ADGRL2: variants seen among roughly 807,000 people sequenced by gnomAD.
The protein encoded by ADGRL2 is calcium-independent alpha-latrotoxin receptor 2.
A neutral mutation model predicts 157.4 loss-of-function variants in ADGRL2; 44 were observed. That is an observed-to-expected ratio of 0.28 (90% CI 0.22 to 0.36). The LOEUF is 0.36. Ranked by LOEUF, ADGRL2 falls within the 10% of genes least tolerant of loss-of-function variation. ADGRL2 has a pLI of 1.00. For synonymous variants in ADGRL2, 585 were observed against 624.7 expected (o/e 0.94, Z 0.95); for missense variants, 1,510 against 1,768.9 (o/e 0.85, Z 2.63).
intron 3 of ADGRL2, among the ~76,000 whole-genome samples, chr1:81,591,721 G>A (rs1482645945): frequency 6.6e-6 from 1 of 152,144 alleles, no homozygotes; most frequent in South Asian, 2.1e-4. Flanking sequence ...CTTGCTACCA[G>A]AATCCCTCTC....
chr1:81,697,216 G>C (rs1046083751), upstream of ADGRL2, among the ~76,000 whole-genome samples: 1 of 151,900 alleles, frequency 6.6e-6, no homozygotes, highest in Non-Finnish European at 1.5e-5. Flanking sequence ...GAAAATTTTT[G>C]AAAGTTGCAT....
chr1:81,628,296 C>G (rs1191913887), intron 3 of ADGRL2, among the ~76,000 whole-genome samples: 1 of 152,096 alleles, frequency 6.6e-6, no homozygotes, highest in African/African-American at 2.4e-5. Flanking sequence ...CATTACTGGG[C>G]TCTACGTGTG....
intron 3 of ADGRL2, among the ~76,000 whole-genome samples, chr1:81,596,004 A>T (rs182672699): frequency 6.6e-6 from 1 of 151,972 alleles, no homozygotes. Flanking sequence ...GGCCTCTTTT[A>T]TAAGAGCACT....
intron 1 of ADGRL2, among the ~76,000 whole-genome samples, chr1:81,755,144 G>C: frequency 9.1e-6 from 1 of 109,436 alleles, no homozygotes; most frequent in African/African-American, 3.7e-5. Context: ...ATATATATAT[G>C]TGTTTATATA....
At chr1:81,930,770 G>A (rs2148762626) in intron 3 of ADGRL2, among the ~76,000 whole-genome samples, 1 of 152,132 alleles carries the variant, frequency 6.6e-6, no homozygotes, top group African/African-American at 2.4e-5. Flanking sequence ...TTGAACCATT[G>A]AAACCCTCAC....
rs147543433 is a variant in ADGRL2, at chr1:81,490,352, G to A, written c.-248+45263G>A. Among the ~76,000 whole-genome samples the A allele has an allele frequency of 4.5e-3, 690 of 152,108 alleles. 7 individuals are homozygous for A. Among genetic ancestry groups the A allele is most frequent in the African/African-American group, 0.015 (641 of 41,500 alleles). On this transcript the variant is annotated intron_variant, in intron 2 of 24. Coordinates refer to the ADGRL2 transcript ENST00000370721. ...TCAACATGTTAGTCAGGCTGGTCTCGAGCTCCTGACCTCAGGTGATCCACC... is the reference window on the plus strand; with the variant it reads ...TCAACATGTTAGTCAGGCTGGTCTCAAGCTCCTGACCTCAGGTGATCCACC...
chr1:81,824,211 T>G (rs2149930523), intron 1 of ADGRL2, among the ~76,000 whole-genome samples: 1 of 152,328 alleles, frequency 6.6e-6, no homozygotes, highest in African/African-American at 2.4e-5. Flanking sequence ...TTTTTTAGGC[T>G]TGGTTTGAAA....
intron 3 of ADGRL2, among the ~76,000 whole-genome samples, chr1:81,915,303 C>T (rs1450402731): frequency 1.3e-5 from 2 of 152,086 alleles, no homozygotes; most frequent in Non-Finnish European, 2.9e-5. Context: ...GGTCTCAAAA[C>T]TCCTGGACCC....
intron 2 of ADGRL2, among the ~76,000 whole-genome samples, chr1:81,787,212 A>G (rs2087094303): frequency 6.6e-6 from 1 of 152,174 alleles, no homozygotes; most frequent in African/African-American, 2.4e-5. Flanking sequence ...TTTCTTTATC[A>G]ACAGTGAAAA....
Position 81,618,547 on chromosome 1 carries a change from A to G in ADGRL2, c.-143+37567A>G, listed in dbSNP as rs893847925. ...TCTGAGGTTGGAGCATAAGAACAAA[A>G]TAGCTCTTTTTGTTCATTGTACCAA... On this transcript the variant is annotated intron_variant, in intron 3 of 24. Transcript: ENST00000370721. Among the ~76,000 whole-genome samples, 4 of 152,340 alleles carry G rather than the reference A, an allele frequency of 2.6e-5. No homozygotes were observed. In the South Asian group the frequency reaches 8.3e-4, roughly 32 times the overall value.
intron 3 of ADGRL2, among the ~76,000 whole-genome samples, chr1:81,640,610 G>A (rs866525202): frequency 1.7e-4 from 25 of 148,982 alleles, no homozygotes; most frequent in African/African-American, 4.5e-4. Flanking sequence ...CCAGCCTAGC[G>A]ACAGAGCCAG....
At chr1:81,793,108 A>G (rs2149425381) in intron 2 of ADGRL2, among the ~76,000 whole-genome samples, 1 of 152,254 alleles carries the variant, frequency 6.6e-6, no homozygotes, top group East Asian at 1.9e-4. Flanking sequence ...AAGGCTCAGT[A>G]CACATTCTTC....
intron 2 of ADGRL2, among the ~76,000 whole-genome samples, chr1:81,529,303 A>G (rs1343623628): frequency 2.0e-5 from 3 of 152,212 alleles, no homozygotes; most frequent in Non-Finnish European, 4.4e-5. Flanking sequence ...GAAACTGGAA[A>G]GTAAGAATCC....
chr1:81,790,460 A>G (rs1311779951), intron 2 of ADGRL2, among the ~76,000 whole-genome samples: 3 of 152,226 alleles, frequency 2.0e-5, no homozygotes, highest in Non-Finnish European at 4.4e-5. Context: ...TTGTTTACAT[A>G]TGGCCTACAA....
chr1:81,855,088 A>G (rs1308975220), intron 2 of ADGRL2, among the ~76,000 whole-genome samples: 1 of 152,152 alleles, frequency 6.6e-6, no homozygotes, highest in African/African-American at 2.4e-5. Flanking sequence ...AACATAAACA[A>G]GTGAAGTAGA....
chr1:81,368,810 TC>T (rs1270363304), intron 1 of ADGRL2, among the ~76,000 whole-genome samples: 2 of 152,132 alleles, frequency 1.3e-5, no homozygotes, highest in African/African-American at 2.4e-5. Context: ...TTTGCATCGC[TC>T]CATCCCATTT....
At chr1:81,880,057 G>A (rs769265946) in intron 2 of ADGRL2, among the ~76,000 whole-genome samples, 19 of 152,040 alleles carry the variant, frequency 1.2e-4, no homozygotes, top group Admixed American at 3.3e-4. Flanking sequence ...TTGTATTTTG[G>A]ATCCTCAATA....
At position 81,501,966 on chromosome 1, in the gene ADGRL2, G is replaced by A. The variant is rs866668096; in HGVS notation, c.-248+56877G>A. 16 of 1,613,674 alleles carry A rather than the reference G, an allele frequency of 9.9e-6. 1 individual carries two copies. In the Middle Eastern group the frequency reaches 2.5e-3, roughly 250 times the overall value. On this transcript the variant is annotated intron_variant, in intron 2 of 24. Coordinates refer to the ADGRL2 transcript ENST00000370721. ...TCCGCCACAGCTGGGAGACCTTCTG[G>A]CAGCACTCCCTTAGGTCCCTTAGCC...
intron 3 of ADGRL2, among the ~76,000 whole-genome samples, chr1:81,929,402 T>TAG (rs1399818693): frequency 6.6e-6 from 1 of 152,158 alleles, no homozygotes; most frequent in African/African-American, 2.4e-5. Flanking sequence ...TATTGTAGCA[T>TAG]ATCTAATGAT....
Sources: allele counts gnomAD v4.1 joint callset (sites outside exome capture counted in the v4.1 genomes callset), GRCh38; gene constraint gnomAD v4.1.1; transcripts MANE v1.5; gene names NCBI Gene and HGNC (gene_info 2026-07-23, HGNC 2026-07-21).